NAALADL2: variants seen among roughly 807,000 people sequenced by gnomAD.
NAALADL2 encodes inactive N-acetylated-alpha-linked acidic dipeptidase-like protein 2.
In NAALADL2, 76 loss-of-function variants were observed where a neutral mutation model predicts 87.2. The observed-to-expected ratio is 0.87, with a 90% CI of 0.72 to 1.05. The LOEUF is 1.05. Among genes scored for constraint, NAALADL2 ranks in the 50% least tolerant of loss-of-function variants. The probability of loss-of-function intolerance (pLI) is 0.00; values close to 1 mark genes in which losing one functional copy is unlikely to be tolerated. For synonymous variants in NAALADL2, 354 were observed against 331.0 expected (o/e 1.07, Z -0.75); for missense variants, 1,089 against 945.8 (o/e 1.15, Z -1.99).
intron 10 of NAALADL2, among the ~76,000 whole-genome samples, chr3:175,586,221 T>C (rs866656556): frequency 6.7e-6 from 1 of 149,074 alleles, no homozygotes; most frequent in East Asian, 1.9e-4. Flanking sequence ...CAGAAACTTA[T>C]CTTGTTTTTA....
intron 9 of NAALADL2, among the ~76,000 whole-genome samples, chr3:175,547,079 A>G (rs1713461553): frequency 1.3e-5 from 2 of 152,138 alleles, no homozygotes; most frequent in South Asian, 2.1e-4. Context: ...TTTAAAATTC[A>G]TATAGAACCA....
chr3:175,789,119 C>T (rs1344337880), intron 13 of NAALADL2, among the ~76,000 whole-genome samples: 1 of 152,116 alleles, frequency 6.6e-6, no homozygotes, highest in East Asian at 1.9e-4. Context: ...CAATCACTCG[C>T]ATTTAAATTA....
At chr3:174,854,467 G>A (rs904287332), upstream of NAALADL2, among the ~76,000 whole-genome samples, 1 of 152,076 alleles carries the variant, frequency 6.6e-6, no homozygotes, top group African/African-American at 2.4e-5. Flanking sequence ...CTAGTGTTTG[G>A]TAGCACAATA....
intron 11 of NAALADL2, among the ~76,000 whole-genome samples, chr3:175,672,911 T>A (rs1161930632): frequency 2.6e-5 from 4 of 152,154 alleles, no homozygotes; most frequent in Non-Finnish European, 5.9e-5. Context: ...TGTTTATAGA[T>A]TGCTTTCTTC....
chr3:174,842,640 T>A (rs1209198657), intron 3 of NAALADL2, among the ~76,000 whole-genome samples: 2 of 152,210 alleles, frequency 1.3e-5, no homozygotes, highest in Non-Finnish European at 2.9e-5. Context: ...GATAGTGTTA[T>A]TCACAGCAGA....
intron 1 of NAALADL2, among the ~76,000 whole-genome samples, chr3:174,516,686 T>G (rs974373464): frequency 8.6e-5 from 13 of 152,044 alleles, no homozygotes; most frequent in Non-Finnish European, 1.8e-4. Context: ...CTAATACAAG[T>G]TTTTCATTTT....
chr3:175,438,966 A>T (rs1432384359), intron 5 of NAALADL2, among the ~76,000 whole-genome samples: 2 of 152,052 alleles, frequency 1.3e-5, no homozygotes, highest in Non-Finnish European at 2.9e-5. Context: ...AGCAGTGTAC[A>T]TTGTACCCAA....
At chr3:175,081,550 A>G (rs1233529762) in intron 1 of NAALADL2, among the ~76,000 whole-genome samples, 2 of 152,046 alleles carry the variant, frequency 1.3e-5, no homozygotes, top group Admixed American at 1.3e-4. Context: ...TACCAATCTA[A>G]ATTTCTTTCC....
chr3:174,675,139 T>C (rs1400543882), intron 2 of NAALADL2, among the ~76,000 whole-genome samples: 2 of 152,140 alleles, frequency 1.3e-5, no homozygotes, highest in Non-Finnish European at 2.9e-5. Flanking sequence ...TATGTAAATA[T>C]GAACTTCAAG....
chr3:174,751,594 C>T (rs1370788157), intron 3 of NAALADL2, among the ~76,000 whole-genome samples: 4 of 146,718 alleles, frequency 2.7e-5, no homozygotes, highest in Non-Finnish European at 5.9e-5. Context: ...GCCCGGGAGA[C>T]TGAGGTTGCA....
chr3:175,655,122 G>A (rs1731278360), intron 11 of NAALADL2, among the ~76,000 whole-genome samples: 1 of 151,984 alleles, frequency 6.6e-6, no homozygotes, highest in Admixed American at 6.6e-5. Flanking sequence ...ATGTGTCTTT[G>A]CATTTGTTAA....
chr3:175,157,259 A>G (rs1415992787), intron 2 of NAALADL2, among the ~76,000 whole-genome samples: 8 of 152,164 alleles, frequency 5.3e-5, no homozygotes. Flanking sequence ...AAAATACAGC[A>G]TGAACTGCAG....
intron 6 of NAALADL2, among the ~76,000 whole-genome samples, chr3:175,456,232 T>C (rs1199163408): frequency 6.6e-6 from 1 of 152,084 alleles, no homozygotes; most frequent in Non-Finnish European, 1.5e-5. Context: ...TGGCAGCAGT[T>C]ATTTTTCTCT....
chr3:175,390,346 T>A lies in NAALADL2; in HGVS notation c.1091-56883T>A, dbSNP rs16825601. The stretch of plus-strand genomic sequence containing the variant: ...GCCATTCTATAGAAAATCAGTCCAT[T>A]GAGAAAGAAGTGGTAGTAGATATTC... On this transcript the variant is annotated intron_variant, in intron 5 of 13. Transcript: ENST00000454872. Among the ~76,000 whole-genome samples, 1,126 of 152,288 alleles carry A rather than the reference T, an allele frequency of 7.4e-3. 8 individuals are homozygous for A. The highest frequency in any genetic ancestry group is 0.026 in the African/African-American group (1,086 of 41,546).
chr3:175,421,204 A>G (rs1715635689), intron 5 of NAALADL2, among the ~76,000 whole-genome samples: 1 of 152,032 alleles, frequency 6.6e-6, no homozygotes, highest in African/African-American at 2.4e-5. Context: ...CATAAGAGCC[A>G]TCTCCTAGGG....
chr3:175,806,055 A>G lies in NAALADL2; in HGVS notation c.*2852A>G, dbSNP rs185382996. 8.5e-5 allele frequency: 13 copies of G among 152,076 alleles called. No individual in the cohort carries two copies. The East Asian group carries it at 2.1e-3, about 25-fold the overall frequency. The allele number at this position is 152,076 out of a possible 1,614,324, so 9.4% of individuals were successfully genotyped here. Reference sequence around the variant, plus strand: ...AAGCTTCTCTGCTTTCTCATGCAGTATATCTTGCTTCTCCCTGAGGAGACA... The same window carrying G: ...AAGCTTCTCTGCTTTCTCATGCAGTGTATCTTGCTTCTCCCTGAGGAGACA... On this transcript the variant is annotated 3_prime_UTR_variant, in exon 14 of 14. Coordinates refer to ENST00000454872, the MANE Select transcript of NAALADL2 (RefSeq NM_207015.3).
At chr3:175,328,567 A>T (rs1761026879) in intron 5 of NAALADL2, among the ~76,000 whole-genome samples, 2 of 152,164 alleles carry the variant, frequency 1.3e-5, no homozygotes, top group Admixed American at 6.5e-5. Context: ...CTAAACTGTG[A>T]TCCGAATAAA....
intron 11 of NAALADL2, among the ~76,000 whole-genome samples, chr3:175,712,112 T>C (rs761532636): frequency 2.6e-5 from 4 of 151,962 alleles, no homozygotes; most frequent in African/African-American, 7.2e-5. Flanking sequence ...TGCTGATAAA[T>C]ATTAAAATGT....
chr3:174,883,992 A>G (rs904005307), intron 1 of NAALADL2, among the ~76,000 whole-genome samples: 15 of 152,162 alleles, frequency 9.9e-5, no homozygotes, highest in African/African-American at 3.6e-4. Context: ...CACCCCAGCC[A>G]ATACTGTAAC....
Sources: gnomAD v4.1 joint callset for allele counts (sites outside exome capture counted in the v4.1 genomes callset) on GRCh38, gnomAD v4.1.1 for gene constraint, MANE v1.5 for transcripts, NCBI Gene and HGNC (gene_info 2026-07-23, HGNC 2026-07-21) for gene names.